Variants in UGT2B11 observed in about 807,000 individuals in gnomAD.
The protein encoded by UGT2B11 is UDP-glucuronosyltransferase 2B11.
A neutral mutation model predicts 51.7 loss-of-function variants in UGT2B11; 49 were observed. The observed-to-expected ratio is 0.95, with a 90% CI of 0.75 to 1.20. The LOEUF (loss-of-function observed/expected upper bound fraction) is 1.20, where lower values mean the gene tolerates loss of function less well. UGT2B11 is among the 50% of genes most tolerant of loss of function. The pLI, the probability that UGT2B11 is intolerant of heterozygous loss-of-function variation, is 0.00. For missense variants in UGT2B11, 810 were observed against 622.1 expected (o/e 1.30, Z -3.21); for synonymous variants, 273 against 209.0 (o/e 1.31, Z -2.64).
chr4:69,218,950 G>T (rs1722340267), upstream of UGT2B11, among the ~76,000 whole-genome samples: 1 of 152,092 alleles, frequency 6.6e-6, no homozygotes, highest in Admixed American at 6.6e-5. Flanking sequence ...AATTCCAGAT[G>T]TCTATAGTGA....
chr4:69,223,452 G>A, the UGT2B11 span, among the ~76,000 whole-genome samples: 2 of 152,138 alleles, frequency 1.3e-5, no homozygotes, highest in Non-Finnish European at 2.9e-5. Context: ...CGGCAGGATG[G>A]AAACTTCCGT....
In UGT2B11 at chr4:69,205,548, C is replaced by T. The variant is rs140467396; in HGVS notation, c.1022G>A (p.Gly341Glu). The change falls in exon 4 of 6, where the codon GGG becomes GAG. Residue 341 changes from glycine to glutamate, a missense_variant. Physicochemically the swap from Gly to Glu is moderately conservative, Grantham distance 98. Transcript: ENST00000446444. ...IPQKVLWRFD[G>E]NKPDALGLNT... ...GAGACCTAAGGCATCTGGTTTATTC[C>T]CGTCAAATCTCCACAGAACCTGTTA... is the stretch of plus-strand genomic sequence containing the variant. 8 of 1,610,018 alleles carry T rather than the reference C, an allele frequency of 5.0e-6. No homozygotes were observed. The Admixed American group carries it at 5.0e-5, about 10-fold the overall frequency.
At chr4:69,209,911 A>T (rs1166625929) in intron 2 of UGT2B11, among the ~76,000 whole-genome samples, 1 of 151,612 alleles carries the variant, frequency 6.6e-6, no homozygotes, top group Non-Finnish European at 1.5e-5. Flanking sequence ...TAATGTAAGA[A>T]ATTGTATAAA....
chr4:69,214,164 G>C lies in UGT2B11; in HGVS notation c.559C>G (p.Leu187Val), dbSNP rs1041996132. Reference sequence around the variant, plus strand: ...GGTATGTAGGAAGGAGGGAAAATCAGTCCTCCACTGTGCCTTTCAATTGTG... The same window carrying C: ...GGTATGTAGGAAGGAGGGAAAATCACTCCTCCACTGTGCCTTTCAATTGTG... ...GYTIERHSGG[L>V]IFPPSYIPIV... The change falls in exon 1 of 6, where the codon CTG becomes GTG. Residue 187 changes from leucine (L) to valine (V), a missense_variant. Physicochemically the swap from Leu to Val is conservative, Grantham distance 32 (BLOSUM62 1). Transcript: ENST00000446444. 1.2e-6 allele frequency: 2 copies of C among 1,612,672 alleles called. No homozygotes were observed. Among genetic ancestry groups the C allele is most frequent in the African/African-American group, 2.7e-5 (2 of 74,810 alleles).
intron 3 of UGT2B11, 179 bp from the exon 4 acceptor site, chr4:69,205,746 A>T: frequency 2.9e-6 from 2 of 684,636 alleles, no homozygotes; most frequent in South Asian, 6.5e-5. Context: ...ATTTAGATAT[A>T]TAAGAAACCA....
intron 1 of UGT2B11, 27 bp from the exon 2 acceptor site, chr4:69,212,748 T>C (rs1433991892): frequency 6.3e-7 from 1 of 1,590,274 alleles, no homozygotes; most frequent in Non-Finnish European, 8.5e-7. Flanking sequence ...AAAGAAAAAG[T>C]GGATGATGTA....
chr4:69,202,628 T>C (rs1332031162), intron 5 of UGT2B11, among the ~76,000 whole-genome samples: 1 of 151,732 alleles, frequency 6.6e-6, no homozygotes, highest in Non-Finnish European at 1.5e-5. Context: ...TCATTTTAGA[T>C]TGTAAGACTC....
chr4:69,223,389 G>A, the UGT2B11 span, among the ~76,000 whole-genome samples: 1 of 152,294 alleles, frequency 6.6e-6, no homozygotes, highest in Non-Finnish European at 1.5e-5. Context: ...TGTGCTCAAA[G>A]CTCATGGCCA....
In UGT2B11 at chr4:69,214,177, C is replaced by A; in HGVS notation, c.546G>T (p.Arg182Ser). 1 of 1,612,892 alleles carries A rather than the reference C, an allele frequency of 6.2e-7. No homozygotes were observed. Among genetic ancestry groups the A allele is most frequent in the Non-Finnish European group, 8.5e-7 (1 of 1,179,346 alleles). ...LRFTPGYTIERHSGGLIFPPS... is the reference protein window; with the variant it reads ...LRFTPGYTIESHSGGLIFPPS... ...GAGGGAAAATCAGTCCTCCACTGTG[C>A]CTTTCAATTGTGTAGCCAGGAGTAA... Residue 182 changes from arginine (R) to serine (S), a missense_variant, in exon 1 of 6, where the codon AGG becomes AGT. Physicochemically the swap from Arg to Ser is moderately radical, Grantham distance 110 (BLOSUM62 -1). Coordinates refer to ENST00000446444, the MANE Select transcript of UGT2B11 (RefSeq NM_001073.3).
upstream of UGT2B11, among the ~76,000 whole-genome samples, chr4:69,217,452 T>C (rs528952275): frequency 1.3e-5 from 2 of 152,242 alleles, no homozygotes; most frequent in East Asian, 1.9e-4. Context: ...TGTCCTTGAG[T>C]GCATGCATTA....
Position 69,200,605 on chromosome 4 carries a change from G to T in UGT2B11, c.1425C>A (p.His475Gln). 7 of 1,612,452 alleles carry T rather than the reference G, an allele frequency of 4.3e-6. No homozygotes were observed. The highest frequency in any genetic ancestry group is 5.9e-6 in the Non-Finnish European group (7 of 1,178,976). Residue 475 changes from histidine (H) to glutamine (Q), a missense_variant, in exon 6 of 6, where the codon CAC (histidine) becomes CAA (glutamine). Physicochemically the swap from His to Gln is conservative, Grantham distance 24. Coordinates refer to ENST00000446444, the MANE Select transcript of UGT2B11 (RefSeq NM_001073.3). ...TGAGGTCATGGGCTGCAACTCGAAGGTGTTTGGCTCCTTTGTGGGGCATGA... is the reference window on the plus strand; with the variant it reads ...TGAGGTCATGGGCTGCAACTCGAAGTTGTTTGGCTCCTTTGTGGGGCATGA... ...EFVMPHKGAK[H>Q]LRVAAHDLTW...
intron 1 of UGT2B11, among the ~76,000 whole-genome samples, chr4:69,213,120 A>C (rs1722136961): frequency 6.6e-6 from 1 of 151,392 alleles, no homozygotes; most frequent in Non-Finnish European, 1.5e-5. Context: ...CTAACAGTCC[A>C]GTTTACACAA....
At chr4:69,218,707 A>T (rs1722335330), upstream of UGT2B11, among the ~76,000 whole-genome samples, 1 of 152,016 alleles carries the variant, frequency 6.6e-6, no homozygotes, top group South Asian at 2.1e-4. Flanking sequence ...GAGTGCAGTG[A>T]GAAAAGATAG....
chr4:69,212,831 G>A lies in UGT2B11; in HGVS notation c.722-110C>T, dbSNP rs1722124347. The A allele has an allele frequency of 1.6e-5, 18 of 1,135,812 alleles. 1 individual carries two copies. In the South Asian group the frequency reaches 4.3e-4, roughly 27 times the overall value. 70.4% of individuals were successfully genotyped at this position (1,135,812 alleles called of 1,614,324 possible). On this transcript the variant is annotated intron_variant, in intron 1 of 5. Coordinates refer to ENST00000446444, the MANE Select transcript of UGT2B11 (RefSeq NM_001073.3). ...GCAAAGATGTAGGTAAAGTTTATGT[G>A]CTTTGAAAAATATATAAATATATAT... is the stretch of plus-strand genomic sequence containing the variant.
At chr4:69,208,212 T>C (rs1234856429) in intron 3 of UGT2B11, 139 bp downstream of exon 3, 3 of 1,499,214 alleles carry the variant, frequency 2.0e-6, no homozygotes, top group Non-Finnish European at 2.7e-6. Flanking sequence ...CTTGTGTTGG[T>C]GGAAGCAACA....
chr4:69,212,718 C>A lies in UGT2B11; in HGVS notation c.725G>T (p.Arg242Ile). 1 of 1,601,898 alleles carries A rather than the reference C, an allele frequency of 6.2e-7. No individual in the cohort carries two copies. Among genetic ancestry groups the A allele is most frequent in the Non-Finnish European group, 8.5e-7 (1 of 1,175,724 alleles). ...CATTGTCTCAAATAAGGTAGTGGGTCTTCCTGACAGGAATAAAGAAAAGAA... is the reference window on the plus strand; with the variant it reads ...CATTGTCTCAAATAAGGTAGTGGGTATTCCTGACAGGAATAAAGAAAAGAA... ...WDQFYSEVLG[R>I]PTTLFETMGK... is the part of the protein sequence containing the mutation. Residue 242 changes from arginine to isoleucine, a missense_variant, in exon 2 of 6, where the codon AGA (arginine) becomes ATA (isoleucine). Coordinates refer to ENST00000446444, the MANE Select transcript of UGT2B11 (RefSeq NM_001073.3).
chr4:69,204,550 A>C lies in UGT2B11; in HGVS notation c.1190T>G (p.Phe397Cys), dbSNP rs770458111. 58 of 1,612,148 alleles carry C rather than the reference A, an allele frequency of 3.6e-5. No individual in the cohort carries two copies. The highest frequency in any genetic ancestry group is 6.7e-5 in the African/African-American group (5 of 74,756). Residue 397 changes from phenylalanine to cysteine, a missense_variant, in exon 5 of 6, where the codon TTT becomes TGT. By Grantham distance (205) the Phe-to-Cys change is radical. Transcript: ENST00000446444. ...GIPMVGIPLFFDQPDNIAHMK... is the reference protein window; with the variant it reads ...GIPMVGIPLFCDQPDNIAHMK... The stretch of plus-strand genomic sequence containing the variant: ...GTGAGCAATGTTATCAGGTTGATCA[A>C]AAAACAATGGAATGCCCACCATAGG...
In UGT2B11 at chr4:69,214,066, A is replaced by G. The variant is rs1722172299; in HGVS notation, c.657T>C (p.Tyr219=). ...ERVKNMIYVL[Y]FDFWFQMSDM... ...CAGACATTTGGAACCAAAAGTCAAA[A>G]TAAAGCACATAGATCATATTTTTTA... Residue 219 remains tyrosine, a synonymous_variant, in exon 1 of 6, where the codon TAT becomes TAC. Transcript: ENST00000446444. 6.2e-7 allele frequency: 1 copy of G among 1,607,402 alleles called. No homozygotes were observed. Among genetic ancestry groups the G allele is most frequent in the African/African-American group, 1.3e-5 (1 of 74,582 alleles).
At chr4:69,204,166 A>G in intron 5 of UGT2B11, 1 of 265,984 alleles carries the variant, frequency 3.8e-6, no homozygotes, top group Non-Finnish European at 6.9e-6. Flanking sequence ...AATTTTAAGA[A>G]ATGTATTTTT....
Sources: allele counts gnomAD v4.1 joint callset (sites outside exome capture counted in the v4.1 genomes callset), GRCh38; gene constraint gnomAD v4.1.1; transcripts MANE v1.5; gene names NCBI Gene and HGNC (gene_info 2026-07-23, HGNC 2026-07-21).